The following LRRTM3 variants were observed in gnomAD, a reference collection of about 807,000 sequenced individuals.
LRRTM3 encodes the protein leucine rich repeat transmembrane neuronal 3, also known as leucine-rich repeat transmembrane neuronal protein 3.
In LRRTM3, 24 loss-of-function variants were observed where a neutral mutation model predicts 44.7. The observed-to-expected ratio is 0.54, with a 90% CI of 0.39 to 0.76. The LOEUF (loss-of-function observed/expected upper bound fraction) is 0.76, where lower values mean the gene tolerates loss of function less well. Among genes scored for constraint, LRRTM3 ranks in the 30% least tolerant of loss-of-function variants. The pLI, the probability that LRRTM3 is intolerant of heterozygous loss-of-function variation, is 0.00. For synonymous variants in LRRTM3, 277 were observed against 278.7 expected (o/e 0.99, Z 0.06); for missense variants, 587 against 702.2 (o/e 0.84, Z 1.85).
intron 2 of LRRTM3, among the ~76,000 whole-genome samples, chr10:66,938,570 A>G (rs1056088736): frequency 2.0e-5 from 3 of 152,134 alleles, no homozygotes; most frequent in African/African-American, 7.2e-5. Flanking sequence ...GGAGATAGAG[A>G]AGCGATCGGT....
intron 2 of LRRTM3, among the ~76,000 whole-genome samples, chr10:67,012,789 T>C (rs1852421721): frequency 6.6e-6 from 1 of 152,108 alleles, no homozygotes; most frequent in African/African-American, 2.4e-5. Context: ...AATTCACGAG[T>C]GTTTGTTAAA....
chr10:67,005,664 T>C (rs899150714), intron 2 of LRRTM3, among the ~76,000 whole-genome samples: 2 of 137,618 alleles, frequency 1.5e-5, no homozygotes, highest in African/African-American at 5.2e-5. Context: ...AGTAATGCTT[T>C]TGTTTATTTT....
intron 2 of LRRTM3, among the ~76,000 whole-genome samples, chr10:67,027,310 T>C (rs1350970706): frequency 2.0e-5 from 3 of 152,210 alleles, no homozygotes; most frequent in African/African-American, 7.2e-5. Flanking sequence ...ACTGAAAGTT[T>C]TACATCTGAC....
rs917249429 is a variant in LRRTM3 at position 67,069,556 on chromosome 10, C to T, written c.1537-28031C>T. Among the ~76,000 whole-genome samples, 262 of 128,524 alleles carry T rather than the reference C, an allele frequency of 2.0e-3. 4 individuals are homozygous for T. The highest frequency in any genetic ancestry group is 0.012 in the Middle Eastern group (3 of 256). The allele number at this position is 128,524 out of a possible 152,430, so 84.3% of individuals were successfully genotyped here. ...AGATATTACAAGGTGTACAGCAGCCCGCCCCACCCCACCCCACCCCACCCC... is the reference window on the plus strand; with the variant it reads ...AGATATTACAAGGTGTACAGCAGCCTGCCCCACCCCACCCCACCCCACCCC... On this transcript the variant is annotated intron_variant, in intron 2 of 2. Coordinates refer to ENST00000361320, the MANE Select transcript of LRRTM3 (RefSeq NM_178011.5).
Position 67,090,782 on chromosome 10 carries a change from G to A in LRRTM3, c.1537-6805G>A, listed in dbSNP as rs533673653. Among the ~76,000 whole-genome samples, 7 of 152,162 alleles carry A rather than the reference G, an allele frequency of 4.6e-5. No individual in the cohort carries two copies. The South Asian group carries it at 1.5e-3, about 32-fold the overall frequency. ...CAACAAATGCCCACAGCTTCTTCAG[G>A]TGGCTAGGCAGAGTAACAGCTGCAG... On this transcript the variant is annotated intron_variant, in intron 2 of 2. Transcript: ENST00000361320.
At chr10:66,956,178 G>T (rs1426079681) in intron 2 of LRRTM3, among the ~76,000 whole-genome samples, 1 of 151,578 alleles carries the variant, frequency 6.6e-6, no homozygotes, top group Non-Finnish European at 1.5e-5. Flanking sequence ...TGCCCAAAGA[G>T]TTCCTCTTTT....
intron 2 of LRRTM3, among the ~76,000 whole-genome samples, chr10:67,079,424 T>C (rs1182025932): frequency 2.0e-5 from 3 of 152,240 alleles, no homozygotes; most frequent in Non-Finnish European, 4.4e-5. Flanking sequence ...AAACATTTAT[T>C]TCTAAGTTTA....
chr10:67,068,547 G>C (rs553511923), intron 2 of LRRTM3, among the ~76,000 whole-genome samples: 1 of 152,190 alleles, frequency 6.6e-6, no homozygotes, highest in South Asian at 2.1e-4. Flanking sequence ...GAATTTTATA[G>C]TGTGAGAAGC....
chr10:67,074,277 G>A (rs147296772), intron 2 of LRRTM3, among the ~76,000 whole-genome samples: 11 of 146,742 alleles, frequency 7.5e-5, no homozygotes, highest in East Asian at 4.1e-4. Flanking sequence ...TGATCTGCCC[G>A]CCTTGGCCCC....
At chr10:67,004,592 C>T (rs898733567) in intron 2 of LRRTM3, among the ~76,000 whole-genome samples, 3 of 152,018 alleles carry the variant, frequency 2.0e-5, no homozygotes, top group Admixed American at 2.0e-4. Context: ...TAACCTTGAT[C>T]CGTTCTAATA....
intron 2 of LRRTM3, among the ~76,000 whole-genome samples, chr10:67,087,445 G>A (rs1249340724): frequency 6.6e-6 from 1 of 151,644 alleles, no homozygotes; most frequent in Admixed American, 6.6e-5. Flanking sequence ...ATTAAGGGAT[G>A]ATTATCTTAT....
chr10:66,973,349 C>T (rs112234284), intron 2 of LRRTM3, among the ~76,000 whole-genome samples: 77 of 152,150 alleles, frequency 5.1e-4, no homozygotes, highest in African/African-American at 1.8e-3. Context: ...TTTGATATGA[C>T]GCTAACATCA....
Position 66,928,439 on chromosome 10 carries a change from C to A in LRRTM3, c.1523C>A (p.Ser508Tyr). 1 of 1,607,656 alleles carries A rather than the reference C, an allele frequency of 6.2e-7. No homozygotes were observed. The highest frequency in any genetic ancestry group is 1.3e-5 in the African/African-American group (1 of 74,482). The change falls in exon 2 of 3, where the codon TCC becomes TAC. Residue 508 changes from serine (S) to tyrosine (Y), a missense_variant. By Grantham distance (144) the Ser-to-Tyr change is moderately radical. Coordinates refer to ENST00000361320, the MANE Select transcript of LRRTM3 (RefSeq NM_178011.5). ...CCCTGCACCTATAACAAATCGGGCT[C>A]CAGGGAGTGTGAGGTATGAACCATT... The part of the protein sequence containing the change: ...TGPCTYNKSG[S>Y]RECEIPLSMN...
chr10:67,040,108 T>G lies in LRRTM3; in HGVS notation c.1537-57479T>G, dbSNP rs141110701. On this transcript the variant is annotated intron_variant, in intron 2 of 2. Transcript: ENST00000361320. ...GTACAGCAATCATTCTAGCAGTATT[T>G]GCTATGACAACATCATTCAGCCCCA... Among the ~76,000 whole-genome samples, 622 of 152,244 alleles carry G rather than the reference T, an allele frequency of 4.1e-3. 6 individuals are homozygous for G. Among genetic ancestry groups the G allele is most frequent in the African/African-American group, 0.014 (576 of 41,538 alleles).
intron 2 of LRRTM3, among the ~76,000 whole-genome samples, chr10:66,985,851 C>T (rs892267907): frequency 6.6e-6 from 1 of 152,038 alleles, no homozygotes; most frequent in Non-Finnish European, 1.5e-5. Flanking sequence ...CCTCAGCCTC[C>T]CAAGTAACTG....
chr10:66,933,922 T>C (rs1490159462), intron 2 of LRRTM3, among the ~76,000 whole-genome samples: 1 of 152,142 alleles, frequency 6.6e-6, no homozygotes, highest in African/African-American at 2.4e-5. Flanking sequence ...TGAGTTCCTA[T>C]GGCATATCTA....
chr10:66,965,964 C>A (rs1419539470), intron 2 of LRRTM3, among the ~76,000 whole-genome samples: 1 of 152,090 alleles, frequency 6.6e-6, no homozygotes, highest in African/African-American at 2.4e-5. Context: ...TGGAGAGGGG[C>A]CTGAAATTAA....
intron 2 of LRRTM3, among the ~76,000 whole-genome samples, chr10:67,078,730 A>C (rs530394262): frequency 6.6e-6 from 1 of 152,150 alleles, no homozygotes; most frequent in East Asian, 1.9e-4. Context: ...GTTAGCCAGG[A>C]TGGTCTCAAT....
chr10:67,045,381 TA>T (rs567603379), intron 2 of LRRTM3, among the ~76,000 whole-genome samples: 1 of 152,134 alleles, frequency 6.6e-6, no homozygotes. Flanking sequence ...CTCCATTTTT[TA>T]AAAAAAATTT....
Sources: allele counts gnomAD v4.1 joint callset (sites outside exome capture counted in the v4.1 genomes callset), GRCh38; gene constraint gnomAD v4.1.1; transcripts MANE v1.5; gene names NCBI Gene and HGNC (gene_info 2026-07-23, HGNC 2026-07-21).